The following NCKAP5L variants were observed in gnomAD, a reference collection of about 807,000 sequenced individuals.
NCKAP5L encodes NCK associated protein 5 like.
Under a neutral mutation model 103.2 loss-of-function variants are expected in NCKAP5L, and 54 were observed. The ratio of observed to expected loss-of-function variants is 0.52; its 90% CI spans 0.42 to 0.66. The LOEUF (loss-of-function observed/expected upper bound fraction) is 0.66. Among genes scored for constraint, NCKAP5L ranks in the 30% least tolerant of loss-of-function variants. The pLI is 0.00. For missense variants in NCKAP5L, 1,733 were observed against 1,750.6 expected, an observed-to-expected ratio of 0.99 and a Z score of 0.18; for synonymous variants, 762 against 748.6, an observed-to-expected ratio of 1.02 and a Z score of -0.29.
intron 5 of NCKAP5L, 95 bp from the exon 6 acceptor site, chr12:49,802,062 G>T: frequency 6.7e-7 from 1 of 1,488,320 alleles, no homozygotes; most frequent in Non-Finnish European, 9.1e-7. Flanking sequence ...CTGTCTGGAG[G>T]CCCCAGGACC....
At position 49,795,416 on chromosome 12, in the gene NCKAP5L, G is replaced by A. The variant is rs1312429669; in HGVS notation, c.2444C>T (p.Pro815Leu). The A allele has an allele frequency of 6.3e-7, 1 of 1,584,536 alleles. No homozygotes were observed. Among genetic ancestry groups the A allele is most frequent in the Non-Finnish European group, 8.6e-7 (1 of 1,168,516 alleles). The change falls in exon 8 of 13, where the codon CCC becomes CTC. Residue 815 changes from proline to leucine, a missense_variant. Transcript: ENST00000335999. ...TGGTGACTTGGAAGGGAGCTTGGTG[G>A]GGCTGCTGTGAGGGCTCTTATTGGG... Reference protein sequence around the residue: ...GKPNKSPHSSPTKLPSKSPTK... With the variant: ...GKPNKSPHSSLTKLPSKSPTK...
intron 6 of NCKAP5L, 99 bp from the exon 7 acceptor site, chr12:49,798,562 G>C: frequency 2.0e-6 from 2 of 1,002,206 alleles, no homozygotes; most frequent in Admixed American, 4.6e-5. Flanking sequence ...GCTCCTTCAC[G>C]GAGGACTCCC....
intron 8 of NCKAP5L, among the ~76,000 whole-genome samples, 187 bp downstream of exon 8, chr12:49,794,577 CT>C (rs1383733355): frequency 2.0e-5 from 3 of 150,188 alleles, no homozygotes; most frequent in African/African-American, 7.4e-5. Flanking sequence ...GGCCAAGCCC[CT>C]GATCTTTCCT....
At chr12:49,816,798 TA>T (rs34850509) in intron 1 of NCKAP5L, among the ~76,000 whole-genome samples, 258 of 137,986 alleles carry the variant, frequency 1.9e-3, no homozygotes, top group East Asian at 6.5e-3. Context: ...GTCTGTCTCA[TA>T]AAAAAAAAAA....
At chr12:49,810,078 A>G (rs750448688) in intron 1 of NCKAP5L, among the ~76,000 whole-genome samples, 2 of 151,036 alleles carry the variant, frequency 1.3e-5, no homozygotes, top group Non-Finnish European at 2.9e-5. Context: ...ATAAGCCCCA[A>G]AGGCCTCCAG....
At chr12:49,827,571 G>T (rs372938470) in intron 1 of NCKAP5L, among the ~76,000 whole-genome samples, 1 of 152,222 alleles carries the variant, frequency 6.6e-6, no homozygotes, top group African/African-American at 2.4e-5. Flanking sequence ...CCAGGGAAGC[G>T]TCGGGCACAG....
rs1388601297 is a variant in NCKAP5L, at chr12:49,795,608, A to G, written c.2252T>C (p.Val751Ala). ...GGCCCCCATGGAGTGAGAGGAGTAG[A>G]CTCGGGCCCCGGGATCCCCCATAAG... The part of the protein sequence containing the change: ...PGLMGDPGAR[V>A]YSSHSMGARV... The change falls in exon 8 of 13, where the codon GTC becomes GCC. Residue 751 changes from valine (V) to alanine (A), a missense_variant. Coordinates refer to ENST00000335999, the MANE Select transcript of NCKAP5L (RefSeq NM_001037806.4). 6.3e-7 allele frequency: 1 copy of G among 1,594,550 alleles called. No homozygotes were observed. Among genetic ancestry groups the G allele is most frequent in the South Asian group, 1.1e-5 (1 of 87,754 alleles).
At chr12:49,827,224 C>T (rs143103526) in intron 1 of NCKAP5L, among the ~76,000 whole-genome samples, 290 of 152,190 alleles carry the variant, frequency 1.9e-3, no homozygotes, top group African/African-American at 6.5e-3. Flanking sequence ...CACCCCTGCC[C>T]GGGCCACTTC....
chr12:49,801,490 G>T (rs1946117191), intron 6 of NCKAP5L, among the ~76,000 whole-genome samples: 1 of 152,182 alleles, frequency 6.6e-6, no homozygotes, highest in Non-Finnish European at 1.5e-5. Flanking sequence ...ACCCTAGGCT[G>T]CCTAACACCC....
rs554570855 is a variant in NCKAP5L at position 49,801,525 on chromosome 12, G to C, written c.351+323C>G. 2.6e-5 allele frequency among the ~76,000 whole-genome samples: 4 copies of C among 152,330 alleles called. No individual in the cohort carries two copies. The South Asian group carries it at 8.3e-4, about 32-fold the overall frequency. ...CAGCCCTACCCCTGTGCCCGGCCAA[G>C]AAGAGGCTGTGTCAGTGGCCAAATA... On this transcript the variant is annotated intron_variant, in intron 6 of 12. Transcript: ENST00000335999.
chr12:49,824,052 G>A (rs1191926627), intron 1 of NCKAP5L, among the ~76,000 whole-genome samples: 3 of 152,168 alleles, frequency 2.0e-5, no homozygotes, highest in Admixed American at 6.5e-5. Flanking sequence ...AGGGGTACTC[G>A]TTCCAGAGTC....
rs1242391324 is a variant in NCKAP5L at position 49,795,442 on chromosome 12, C to T, written c.2418G>A (p.Lys806=). The T allele has an allele frequency of 5.1e-6, 8 of 1,574,108 alleles. No individual in the cohort carries two copies. Among genetic ancestry groups the T allele is most frequent in the Non-Finnish European group, 6.9e-6 (8 of 1,164,468 alleles). ...GGCTGCTGTGAGGGCTCTTATTGGGCTTGCCCAGGCTTGGGGCTGAGGTTG... is the reference window on the plus strand; with the variant it reads ...GGCTGCTGTGAGGGCTCTTATTGGGTTTGCCCAGGCTTGGGGCTGAGGTTG... ...KVPTSAPSLG[K]PNKSPHSSPT... is the part of the protein sequence containing the mutation. The change falls in exon 8 of 13, where the codon AAG becomes AAA. Residue 806 remains lysine (K), a synonymous_variant. Coordinates refer to ENST00000335999, the MANE Select transcript of NCKAP5L (RefSeq NM_001037806.4).
At chr12:49,793,068 G>A in intron 10 of NCKAP5L, 82 bp from the exon 11 acceptor site, 1 of 1,163,498 alleles carries the variant, frequency 8.6e-7, no homozygotes, top group South Asian at 1.6e-5. Flanking sequence ...GCCCAGCCCA[G>A]GCTCCACCCT....
chr12:49,799,625 T>C (rs1423960638), intron 6 of NCKAP5L, among the ~76,000 whole-genome samples: 1 of 152,208 alleles, frequency 6.6e-6, no homozygotes, highest in Non-Finnish European at 1.5e-5. Context: ...CCTCATTTTC[T>C]TTTCTAAAGC....
chr12:49,796,564 G>T lies in NCKAP5L; in HGVS notation c.1296C>A (p.Ser432Arg). Residue 432 changes from serine to arginine, a missense_variant, in exon 8 of 13, where the codon AGC becomes AGA. Physicochemically the swap from Ser to Arg is moderately radical, Grantham distance 110. Coordinates refer to ENST00000335999, the MANE Select transcript of NCKAP5L (RefSeq NM_001037806.4). ...GHPHSSSQVKSKLQIGPPSPG... is the reference protein window; with the variant it reads ...GHPHSSSQVKRKLQIGPPSPG... ...GAGAAGGGGGGCCAATTTGGAGCTTGCTTTTCACCTGAGATGAGGAATGGG... is the reference window on the plus strand; with the variant it reads ...GAGAAGGGGGGCCAATTTGGAGCTTTCTTTTCACCTGAGATGAGGAATGGG... 1 of 1,601,058 alleles carries T rather than the reference G, an allele frequency of 6.2e-7. No homozygotes were observed. The highest frequency in any genetic ancestry group is 8.5e-7 in the Non-Finnish European group (1 of 1,174,396).
intron 1 of NCKAP5L, among the ~76,000 whole-genome samples, chr12:49,825,018 C>T (rs770339198): frequency 3.3e-5 from 5 of 152,152 alleles, no homozygotes; most frequent in African/African-American, 4.8e-5. Flanking sequence ...AAAACATTAA[C>T]GCAGAATGGG....
chr12:49,791,942 T>C lies in NCKAP5L; in HGVS notation c.3902A>G (p.Glu1301Gly). The change falls in exon 13 of 13, where the codon GAG (glutamate) becomes GGG (glycine). Residue 1301 changes from glutamate (E) to glycine (G), a missense_variant. Glu to Gly is a moderately conservative substitution (Grantham distance 98, BLOSUM62 -2). Coordinates refer to ENST00000335999, the MANE Select transcript of NCKAP5L (RefSeq NM_001037806.4). ...SRTPSTSDMA[E>G]EGRVASGGPP... ...GCCCCCGCTGGCCACTCTGCCTTCC[T>C]CGGCCATGTCCGAAGTGCTGGGGGT... 6.2e-7 allele frequency: 1 copy of C among 1,612,452 alleles called. No individual in the cohort carries two copies. Among genetic ancestry groups the C allele is most frequent in the Non-Finnish European group, 8.5e-7 (1 of 1,179,506 alleles).
intron 1 of NCKAP5L, among the ~76,000 whole-genome samples, chr12:49,817,855 C>A (rs577903948): frequency 2.0e-5 from 3 of 152,122 alleles, no homozygotes; most frequent in Admixed American, 2.0e-4. Context: ...CCTGGCCGGG[C>A]GCAGTGCTCA....
intron 10 of NCKAP5L, 45 bp downstream of exon 10, chr12:49,793,307 A>AG (rs772079868): frequency 1.9e-6 from 3 of 1,545,806 alleles, no homozygotes; most frequent in Non-Finnish European, 2.7e-6. Context: ...AGAAGTGGGT[A>AG]GGGGGGTGGG....
Sources: allele counts gnomAD v4.1 joint callset (sites outside exome capture counted in the v4.1 genomes callset), GRCh38; gene constraint gnomAD v4.1.1; transcripts MANE v1.5; gene names NCBI Gene and HGNC (gene_info 2026-07-23, HGNC 2026-07-21).